The following ST3GAL2 variants were observed in gnomAD, a reference collection of about 807,000 sequenced individuals.
ST3GAL2 encodes ST3 beta-galactoside alpha-2,3-sialyltransferase 2, also known as CMP-N-acetylneuraminate-beta-galactosamide-alpha-2,3-sialyltransferase 2.
In ST3GAL2, 16 loss-of-function variants were observed where a neutral mutation model predicts 37.5. The observed-to-expected ratio is 0.43, with a 90% CI of 0.29 to 0.65. ST3GAL2 has a LOEUF of 0.65. Among genes scored for constraint, ST3GAL2 ranks in the 30% least tolerant of loss-of-function variants. ST3GAL2 has a pLI of 0.17. For missense variants in ST3GAL2, 383 were observed against 487.8 expected (o/e 0.79, Z 2.02); for synonymous variants, 238 against 202.9 (o/e 1.17, Z -1.47).
At chr16:70,418,130 T>C (rs2047688359) in intron 1 of ST3GAL2, among the ~76,000 whole-genome samples, 1 of 152,140 alleles carries the variant, frequency 6.6e-6, no homozygotes, top group South Asian at 2.1e-4. Flanking sequence ...AAACACAAGA[T>C]GCGTGTGTTC....
chr16:70,384,744 G>T (rs1241467028), intron 4 of ST3GAL2, among the ~76,000 whole-genome samples: 3 of 151,220 alleles, frequency 2.0e-5, no homozygotes, highest in Non-Finnish European at 4.4e-5. Flanking sequence ...GTCAAATCAG[G>T]CTGGGTGTGG....
intron 1 of ST3GAL2, among the ~76,000 whole-genome samples, chr16:70,410,754 T>A (rs911865574): frequency 2.0e-5 from 3 of 151,256 alleles, no homozygotes; most frequent in Non-Finnish European, 4.4e-5. Context: ...GGTAATGTGG[T>A]CAACAATTCT....
intron 3 of ST3GAL2, among the ~76,000 whole-genome samples, chr16:70,389,833 C>A (rs2047470749): frequency 6.6e-6 from 1 of 151,944 alleles, no homozygotes; most frequent in Non-Finnish European, 1.5e-5. Context: ...GTCGCCCAGG[C>A]TGGAGTGCAG....
chr16:70,415,281 T>C (rs947535823), intron 1 of ST3GAL2, among the ~76,000 whole-genome samples: 5 of 152,164 alleles, frequency 3.3e-5, no homozygotes, highest in African/African-American at 1.2e-4. Context: ...CCCGCCACAA[T>C]GCAGCTGACC....
intron 1 of ST3GAL2, among the ~76,000 whole-genome samples, chr16:70,409,747 C>G (rs894500912): frequency 6.6e-6 from 1 of 151,988 alleles, no homozygotes; most frequent in Non-Finnish European, 1.5e-5. Context: ...CTCAAATGAT[C>G]CTACCTCAGG....
Position 70,399,239 on chromosome 16 carries a change from T to A in ST3GAL2, c.-709A>T, listed in dbSNP as rs981698724. On this transcript the variant is annotated 5_prime_UTR_variant, in exon 2 of 7. Transcript: ENST00000342907. ...CTGAGGTGCTGGTCCCTTCTCCTGG[T>A]GGCCCCAGCCCCAGCTGCAGTTGCG... 2.5e-6 allele frequency: 1 copy of A among 398,660 alleles called. No individual in the cohort carries two copies. The highest frequency in any genetic ancestry group is 2.1e-5 in the African/African-American group (1 of 48,638). The allele number at this position is 398,660 out of a possible 1,614,324, so 24.7% of individuals were successfully genotyped here. A position where few individuals can be genotyped will look rare whatever the true frequency, so the allele number is the denominator to read the frequency against.
chr16:70,402,234 G>A (rs982756993), intron 1 of ST3GAL2, among the ~76,000 whole-genome samples: 1 of 131,422 alleles, frequency 7.6e-6, no homozygotes, highest in Admixed American at 8.9e-5. Context: ...AGGAGTGGGA[G>A]ATCGTGCCAA....
In ST3GAL2 at chr16:70,413,143, G is replaced by A. The variant is rs528043407; in HGVS notation, c.-1003-13610C>T. Among the ~76,000 whole-genome samples, 20 of 152,180 alleles carry A rather than the reference G, an allele frequency of 1.3e-4. 2 individuals are homozygous for A. The South Asian group carries it at 3.5e-3, about 27-fold the overall frequency. On this transcript the variant is annotated intron_variant, in intron 1 of 6. Transcript: ENST00000342907. ...CGGATGCCTGTAATCCTAGCTACTCGGGAGGCTGAGACAGGAGACTCACTT... is the reference window on the plus strand; with the variant it reads ...CGGATGCCTGTAATCCTAGCTACTCAGGAGGCTGAGACAGGAGACTCACTT...
chr16:70,409,787 G>A lies in ST3GAL2; in HGVS notation c.-1003-10254C>T, dbSNP rs531905919. Among the ~76,000 whole-genome samples, 56 of 149,214 alleles carry A rather than the reference G, an allele frequency of 3.8e-4. 1 individual carries two copies. The East Asian group carries it at 0.011, about 28-fold the overall frequency. The stretch of plus-strand genomic sequence containing the variant: ...CGAGTAGCTAGGACCATAGGCATAC[G>A]CCACCAGACCTGGCTAAATTTTTTT... On this transcript the variant is annotated intron_variant, in intron 1 of 6. Transcript: ENST00000342907.
intron 3 of ST3GAL2, 30 bp from the exon 4 acceptor site, chr16:70,388,576 C>A: frequency 6.5e-7 from 1 of 1,535,426 alleles, no homozygotes; most frequent in Non-Finnish European, 8.8e-7. Flanking sequence ...ACATGAGAAT[C>A]AACTGCCATG....
In ST3GAL2 at chr16:70,394,643, G is replaced by A. The variant is rs187533128; in HGVS notation, c.533+339C>T. On this transcript the variant is annotated intron_variant, in intron 3 of 6. Transcript: ENST00000342907. ...TCCTCCCACCTCAGCCTCTCAAAGC[G>A]CTGGAATTACAGGTGTGAACCACCA... Among the ~76,000 whole-genome samples the A allele has an allele frequency of 4.8e-4, 73 of 152,274 alleles. 1 individual carries two copies. The East Asian group carries it at 0.013, about 28-fold the overall frequency.
rs1265893354 is a variant in ST3GAL2, at chr16:70,381,625, T to C, written c.*64A>G. The C allele has an allele frequency of 2.1e-5, 33 of 1,570,998 alleles. No homozygotes were observed. Among genetic ancestry groups the C allele is most frequent in the Admixed American group, 3.5e-5 (2 of 56,742 alleles). ...ATGATTGGTCGCGGGTTGCTGGTCC[T>C]GGGTCCCGGGCCGGAGCCCCGGTGC... On this transcript the variant is annotated 3_prime_UTR_variant, in exon 7 of 7. Transcript: ENST00000342907.
intron 1 of ST3GAL2, among the ~76,000 whole-genome samples, chr16:70,434,614 G>A (rs1430166908): frequency 6.6e-6 from 1 of 152,112 alleles, no homozygotes; most frequent in Non-Finnish European, 1.5e-5. Flanking sequence ...AGTTCTGTAA[G>A]TCTCAGTTCT....
rs1203693372 is a variant in ST3GAL2 at position 70,415,762 on chromosome 16, CTTTTTTTTTTT to C, written c.-1003-16240_-1003-16230del. ...TCCACCGTGCCCAGCTTCCAAGATT[CTTTTTTTTTTT>C]TTTTTTTTTCTTTTCTGAAACAGAG... On this transcript the variant is annotated intron_variant, in intron 1 of 6. Transcript: ENST00000342907. Among the ~76,000 whole-genome samples the C allele has an allele frequency of 3.5e-5, 4 of 115,924 alleles. No individual in the cohort carries two copies. The East Asian group carries it at 8.0e-4, about 23-fold the overall frequency. 76.1% of individuals were successfully genotyped at this position (115,924 alleles called of 152,430 possible).
intron 1 of ST3GAL2, among the ~76,000 whole-genome samples, chr16:70,421,475 A>C (rs566666430): frequency 3.8e-4 from 58 of 152,226 alleles, no homozygotes; most frequent in Admixed American, 2.0e-3. Context: ...CCAAGACAAC[A>C]TCCATCGTGC....
At chr16:70,402,720 G>A (rs1026041946) in intron 1 of ST3GAL2, among the ~76,000 whole-genome samples, 5 of 152,176 alleles carry the variant, frequency 3.3e-5, no homozygotes, top group Non-Finnish European at 5.9e-5. Flanking sequence ...CGTGATCTTG[G>A]CTCACTGCAG....
At chr16:70,427,378 G>A (rs1438697631) in intron 1 of ST3GAL2, among the ~76,000 whole-genome samples, 10 of 136,820 alleles carry the variant, frequency 7.3e-5, no homozygotes, top group Middle Eastern at 8.3e-3. Flanking sequence ...TCACTCTGTC[G>A]CCCAGGCTGG....
intron 1 of ST3GAL2, among the ~76,000 whole-genome samples, chr16:70,418,406 A>C (rs2047690436): frequency 2.6e-5 from 4 of 152,140 alleles, no homozygotes; most frequent in Admixed American, 2.6e-4. Context: ...CAAAGGTATC[A>C]GGGGCAGCTG....
At chr16:70,435,188 C>T (rs2047816694) in intron 1 of ST3GAL2, among the ~76,000 whole-genome samples, 1 of 152,158 alleles carries the variant, frequency 6.6e-6, no homozygotes, top group African/African-American at 2.4e-5. Context: ...GGGCAGTGTC[C>T]CCCCAGTCAT....
Sources: allele counts gnomAD v4.1 joint callset (sites outside exome capture counted in the v4.1 genomes callset), GRCh38; gene constraint gnomAD v4.1.1; transcripts MANE v1.5; gene names NCBI Gene and HGNC (gene_info 2026-07-23, HGNC 2026-07-21).